Variants in KCMF1 observed in about 807,000 individuals in gnomAD.
KCMF1 encodes potassium channel modulatory factor 1.
A neutral mutation model predicts 41.1 loss-of-function variants in KCMF1; 3 were observed. That is an observed-to-expected ratio of 0.07 (90% confidence interval 0.03 to 0.19). The LOEUF (loss-of-function observed/expected upper bound fraction) is 0.19, where lower values mean the gene tolerates loss of function less well. KCMF1 is among the 10% of genes least tolerant of loss of function. The probability of loss-of-function intolerance (pLI) is 1.00; values close to 1 mark genes in which losing one functional copy is unlikely to be tolerated. For missense variants in KCMF1, 286 were observed against 488.9 expected, an observed-to-expected ratio of 0.58 and a Z score of 3.91; for synonymous variants, 142 against 164.5, an observed-to-expected ratio of 0.86 and a Z score of 1.04.
At position 85,053,412 on chromosome 2, in the gene KCMF1, A is replaced by G; in HGVS notation, c.*3A>G. 6.2e-7 allele frequency: 1 copy of G among 1,610,238 alleles called. No individual in the cohort carries two copies. The highest frequency in any genetic ancestry group is 8.5e-7 in the Non-Finnish European group (1 of 1,177,946). ...AGCCTCCACCACCTCCTCTTTGATG[A>G]CATCCCAATTCGCAGACAATGTCCT... On this transcript the variant is annotated 3_prime_UTR_variant, in exon 7 of 7. Transcript: ENST00000409785.
intron 2 of KCMF1, among the ~76,000 whole-genome samples, chr2:85,028,844 T>C (rs1675186150): frequency 1.3e-5 from 2 of 152,140 alleles, no homozygotes; most frequent in Admixed American, 6.5e-5. Context: ...GTTTACTTGT[T>C]TAAAAAAACC....
chr2:85,004,945 C>G (rs1179100618), intron 1 of KCMF1, among the ~76,000 whole-genome samples: 2 of 151,966 alleles, frequency 1.3e-5, no homozygotes. Context: ...AAGTGATTCT[C>G]CTGCCTCAGC....
At chr2:84,978,478 G>T (rs531602131) in intron 1 of KCMF1, among the ~76,000 whole-genome samples, 26 of 149,216 alleles carry the variant, frequency 1.7e-4, no homozygotes, top group Non-Finnish European at 3.3e-4. Flanking sequence ...ATTTGCCTAG[G>T]TTTTTTGTCT....
chr2:85,007,724 T>C (rs1674507448), intron 1 of KCMF1, among the ~76,000 whole-genome samples: 1 of 152,174 alleles, frequency 6.6e-6, no homozygotes, highest in South Asian at 2.1e-4. Flanking sequence ...TTGTGTGATT[T>C]TATGTATGTA....
chr2:85,031,462 T>G (rs991147269), intron 2 of KCMF1, among the ~76,000 whole-genome samples: 1 of 152,156 alleles, frequency 6.6e-6, no homozygotes, highest in Non-Finnish European at 1.5e-5. Context: ...AAACAGAACT[T>G]TAAGGACATA....
chr2:84,979,383 G>A (rs905906630), intron 1 of KCMF1, among the ~76,000 whole-genome samples: 20 of 152,030 alleles, frequency 1.3e-4, no homozygotes, highest in Admixed American at 1.0e-3. Context: ...AAATATCTGG[G>A]CGTGATGGCA....
chr2:85,009,669 CT>C (rs986492037), intron 1 of KCMF1, among the ~76,000 whole-genome samples: 6 of 152,150 alleles, frequency 3.9e-5, no homozygotes, highest in Non-Finnish European at 7.4e-5. Context: ...CCCCCCTCTT[CT>C]TTCTTTTTTC....
At chr2:85,044,431 A>G (rs996861074) in intron 4 of KCMF1, among the ~76,000 whole-genome samples, 2 of 151,910 alleles carry the variant, frequency 1.3e-5, no homozygotes, top group East Asian at 1.9e-4. Context: ...CTGGAGTACA[A>G]TGGTGCTATC....
chr2:84,974,738 C>T (rs1367060466), intron 1 of KCMF1, among the ~76,000 whole-genome samples: 1 of 78,788 alleles, frequency 1.3e-5, no homozygotes, highest in Non-Finnish European at 2.3e-5. Context: ...CACAGTCTTG[C>T]TCTGTTGCCC....
At position 84,987,135 on chromosome 2, in the gene KCMF1, A is replaced by G. The variant is rs530706076; in HGVS notation, c.16+15668A>G. Among the ~76,000 whole-genome samples the G allele has an allele frequency of 3.3e-5, 5 of 152,354 alleles. No individual in the cohort carries two copies. In the East Asian group the frequency reaches 9.6e-4, roughly 29 times the overall value. On this transcript the variant is annotated intron_variant, in intron 1 of 6. Coordinates refer to ENST00000409785, the MANE Select transcript of KCMF1 (RefSeq NM_020122.5). ...GGTATTTTTTATCACGGTAGATAAGATAAGAAATGAAGGTGGGAGCAAGGT... is the reference window on the plus strand; with the variant it reads ...GGTATTTTTTATCACGGTAGATAAGGTAAGAAATGAAGGTGGGAGCAAGGT...
intron 1 of KCMF1, among the ~76,000 whole-genome samples, chr2:84,984,378 G>A (rs149293100): frequency 0.013 from 1,981 of 152,052 alleles, 60 homozygotes; most frequent in African/African-American, 0.046. Flanking sequence ...TACGATTACA[G>A]ATGTGAGCCA....
intron 1 of KCMF1, among the ~76,000 whole-genome samples, chr2:85,012,717 C>T (rs1674681112): frequency 1.3e-5 from 2 of 152,214 alleles, no homozygotes; most frequent in Non-Finnish European, 2.9e-5. Flanking sequence ...CTAGAGTATT[C>T]TCTATACTTT....
At chr2:84,972,380 A>G (rs184919345) in intron 1 of KCMF1, 1 of 152,256 alleles carries the variant, frequency 6.6e-6, no homozygotes, top group African/African-American at 2.4e-5. Flanking sequence ...GGGTCGATGT[A>G]TAGGCTTTGA....
intron 3 of KCMF1, 58 bp downstream of exon 3, chr2:85,035,213 CATTA>C: frequency 6.9e-7 from 1 of 1,449,558 alleles, no homozygotes; most frequent in Admixed American, 2.0e-5. Flanking sequence ...TTATTTCTAA[CATTA>C]ATAAAGCTAG....
rs1229669000 is a variant in KCMF1, at chr2:84,971,202, CT to C, written c.-249del. ...GGAGTCACGGCGGGCGCCGGCGGAGCTGCGGCGTCGGACCCGCCTCCTGGAG... is the reference window on the plus strand; with the variant it reads ...GGAGTCACGGCGGGCGCCGGCGGAGCGCGGCGTCGGACCCGCCTCCTGGAG... On this transcript the variant is annotated 5_prime_UTR_variant, in exon 1 of 7. Transcript: ENST00000409785. The C allele has an allele frequency of 6.9e-6, 1 of 145,938 alleles. No homozygotes were observed. Among genetic ancestry groups the C allele is most frequent in the Admixed American group, 6.8e-5 (1 of 14,722 alleles). The allele number at this position is 145,938 out of a possible 1,614,324, so 9.0% of individuals were successfully genotyped here.
intron 1 of KCMF1, among the ~76,000 whole-genome samples, chr2:85,024,359 A>G (rs1377960975): frequency 6.6e-6 from 1 of 151,890 alleles, no homozygotes; most frequent in African/African-American, 2.4e-5. Flanking sequence ...TATGATCCCA[A>G]CTCCTTGGGA....
At chr2:85,032,240 C>T (rs911847404) in intron 2 of KCMF1, among the ~76,000 whole-genome samples, 2 of 152,114 alleles carry the variant, frequency 1.3e-5, no homozygotes, top group Admixed American at 6.5e-5. Flanking sequence ...GGTGCAGTCT[C>T]GGCTCACTGC....
At chr2:85,035,236 C>T (rs1675380367) in intron 3 of KCMF1, 81 bp downstream of exon 3, 1 of 1,162,288 alleles carries the variant, frequency 8.6e-7, no homozygotes, top group Non-Finnish European at 1.2e-6. Context: ...AGGTCACTGT[C>T]ATCTGCTTCC....
intron 2 of KCMF1, among the ~76,000 whole-genome samples, chr2:85,031,523 A>C (rs971158266): frequency 6.6e-6 from 1 of 152,224 alleles, no homozygotes; most frequent in Non-Finnish European, 1.5e-5. Context: ...ATTACATAAA[A>C]TAGGCTTTGT....
Sources: allele counts gnomAD v4.1 joint callset (sites outside exome capture counted in the v4.1 genomes callset), GRCh38; gene constraint gnomAD v4.1.1; transcripts MANE v1.5; gene names NCBI Gene and HGNC (gene_info 2026-07-23, HGNC 2026-07-21).